NAALADL2: variants seen among roughly 807,000 people sequenced by gnomAD.
The protein encoded by NAALADL2 is inactive N-acetylated-alpha-linked acidic dipeptidase-like protein 2.
NAALADL2 carries 76 observed loss-of-function variants against 87.2 expected under a neutral mutation model. The observed-to-expected ratio is 0.87, with a 90% CI of 0.72 to 1.05. The LOEUF is 1.05. NAALADL2 is among the 50% of genes least tolerant of loss of function. NAALADL2 has a pLI of 0.00. For missense variants in NAALADL2, 1,089 were observed against 945.8 expected (o/e 1.15, Z -1.99); for synonymous variants, 354 against 331.0 (o/e 1.07, Z -0.75).
intron 5 of NAALADL2, among the ~76,000 whole-genome samples, chr3:175,329,775 A>G (rs906009345): frequency 2.0e-5 from 3 of 152,218 alleles, no homozygotes; most frequent in Non-Finnish European, 4.4e-5. Context: ...GTTAAGCGGC[A>G]AAATTTTTCT....
At chr3:175,650,627 A>C (rs1434781629) in intron 11 of NAALADL2, among the ~76,000 whole-genome samples, 1 of 152,152 alleles carries the variant, frequency 6.6e-6, no homozygotes, top group Non-Finnish European at 1.5e-5. Context: ...CTTCCCCCGA[A>C]ATGATGATTG....
At chr3:175,469,386 CCT>C (rs1553903521) in intron 8 of NAALADL2, among the ~76,000 whole-genome samples, 3 of 151,950 alleles carry the variant, frequency 2.0e-5, no homozygotes, top group Non-Finnish European at 4.4e-5. Context: ...AATATATTCC[CCT>C]GTGAAGGGGA....
At chr3:175,053,642 T>A (rs756878514) in intron 1 of NAALADL2, among the ~76,000 whole-genome samples, 1 of 152,228 alleles carries the variant, frequency 6.6e-6, no homozygotes, top group African/African-American at 2.4e-5. Flanking sequence ...TTTCCTAACT[T>A]TCTGTTATAC....
intron 1 of NAALADL2, among the ~76,000 whole-genome samples, chr3:174,528,668 G>T (rs189698486): frequency 3.4e-4 from 52 of 152,260 alleles, no homozygotes; most frequent in African/African-American, 1.1e-3. Context: ...AAAGAAAGAG[G>T]TTTATTGGAC....
chr3:175,215,262 A>C (rs1204349390), intron 2 of NAALADL2, among the ~76,000 whole-genome samples: 1 of 152,188 alleles, frequency 6.6e-6, no homozygotes, highest in Middle Eastern at 3.2e-3. Flanking sequence ...CTGCTAATTC[A>C]TTAAAAATCA....
chr3:175,133,577 TCAGGCGTGGCGGCGCGCGCCTGCAATCG>T (rs1728588220), intron 2 of NAALADL2, among the ~76,000 whole-genome samples: 1 of 151,992 alleles, frequency 6.6e-6, no homozygotes, highest in Non-Finnish European at 1.5e-5. Flanking sequence ...CGAAAACCAG[TCAGGCGTGGCGGCGCGCGCCTGCAATCG>T]CAGGCACTCG....
intron 5 of NAALADL2, among the ~76,000 whole-genome samples, chr3:175,423,991 T>C (rs1209013728): frequency 6.6e-6 from 1 of 152,212 alleles, no homozygotes; most frequent in Non-Finnish European, 1.5e-5. Flanking sequence ...CATTGTGGTT[T>C]TGATTTGCAT....
At chr3:175,511,708 T>A (rs539156408) in intron 9 of NAALADL2, among the ~76,000 whole-genome samples, 4 of 152,214 alleles carry the variant, frequency 2.6e-5, no homozygotes, top group Non-Finnish European at 5.9e-5. Context: ...AAAGATTTAG[T>A]GACTTGCACC....
At chr3:174,635,520 T>G (rs943667883) in intron 2 of NAALADL2, among the ~76,000 whole-genome samples, 1 of 138,774 alleles carries the variant, frequency 7.2e-6, no homozygotes, top group African/African-American at 2.8e-5. Context: ...TTTTTTTTTT[T>G]GAGATGGAGT....
rs941425115 is a variant in NAALADL2, at chr3:175,320,714, G to A, written c.940-3461G>A. Among the ~76,000 whole-genome samples, 7 of 152,210 alleles carry A rather than the reference G, an allele frequency of 4.6e-5. 1 individual carries two copies. Among genetic ancestry groups the A allele is most frequent in the Admixed American group, 6.5e-5 (1 of 15,288 alleles). ...TTTTAAAATAAGCAAACACCTCTAC[G>A]CAAATAAACTAGAAAATCTAGAAGA... On this transcript the variant is annotated intron_variant, in intron 4 of 13. Transcript: ENST00000454872.
At chr3:174,794,981 CTTTTT>C (rs772447340) in intron 3 of NAALADL2, among the ~76,000 whole-genome samples, 276 of 66,650 alleles carry the variant, frequency 4.1e-3, no homozygotes, top group African/African-American at 0.013. Context: ...TCTAGTCCAG[CTTTTT>C]TTTTTTTTTT....
intron 11 of NAALADL2, among the ~76,000 whole-genome samples, chr3:175,659,393 T>C (rs563949891): frequency 6.6e-6 from 1 of 152,302 alleles, no homozygotes; most frequent in Admixed American, 6.5e-5. Context: ...AAAATTCTAG[T>C]CATTTCATCC....
chr3:174,705,938 A>G (rs1026200097), intron 2 of NAALADL2, among the ~76,000 whole-genome samples: 2 of 152,128 alleles, frequency 1.3e-5, no homozygotes, highest in Admixed American at 1.3e-4. Context: ...CATGATCCCT[A>G]CTTTGGTGTT....
At chr3:174,876,810 G>T (rs751858537) in intron 1 of NAALADL2, among the ~76,000 whole-genome samples, 1 of 152,072 alleles carries the variant, frequency 6.6e-6, no homozygotes, top group Non-Finnish European at 1.5e-5. Context: ...GTTCTTAGTT[G>T]GCTTGGGCTG....
chr3:174,772,539 A>T (rs965118019), intron 3 of NAALADL2, among the ~76,000 whole-genome samples: 5 of 152,200 alleles, frequency 3.3e-5, no homozygotes, highest in African/African-American at 1.2e-4. Context: ...TAAATAAAAT[A>T]AGCAGTTTTG....
At chr3:174,785,050 C>T (rs576133481) in intron 3 of NAALADL2, among the ~76,000 whole-genome samples, 43 of 152,118 alleles carry the variant, frequency 2.8e-4, no homozygotes, top group South Asian at 6.2e-4. Context: ...TTTAGATTCA[C>T]GGGGTACATG....
chr3:175,210,101 C>T (rs1006393838), intron 2 of NAALADL2, among the ~76,000 whole-genome samples: 1 of 151,508 alleles, frequency 6.6e-6, no homozygotes, highest in African/African-American at 2.4e-5. Flanking sequence ...TAAAGACAGC[C>T]CTTTCAAACT....
intron 11 of NAALADL2, among the ~76,000 whole-genome samples, chr3:175,691,866 T>C (rs1362174779): frequency 6.6e-6 from 1 of 152,168 alleles, no homozygotes; most frequent in Non-Finnish European, 1.5e-5. Flanking sequence ...ATTTGTGCTC[T>C]GAAACAGTTT....
chr3:175,587,133 A>G (rs535641792), intron 10 of NAALADL2, among the ~76,000 whole-genome samples: 1 of 152,334 alleles, frequency 6.6e-6, no homozygotes, highest in East Asian at 1.9e-4. Flanking sequence ...ATTGATTTTT[A>G]GAGTAGCATT....
Sources: allele counts gnomAD v4.1 joint callset (sites outside exome capture counted in the v4.1 genomes callset), GRCh38; gene constraint gnomAD v4.1.1; transcripts MANE v1.5; gene names NCBI Gene and HGNC (gene_info 2026-07-23, HGNC 2026-07-21).